The following MN1 variants were observed in gnomAD, a reference collection of about 807,000 sequenced individuals.
MN1 encodes MN1 proto-oncogene, transcriptional regulator.
Under a neutral mutation model 86.9 loss-of-function variants are expected in MN1, and 19 were observed. The ratio of observed to expected loss-of-function variants is 0.22; its 90% CI spans 0.15 to 0.32. The LOEUF (loss-of-function observed/expected upper bound fraction) is 0.32, where lower values mean the gene tolerates loss of function less well. MN1 is among the 10% of genes least tolerant of loss of function. The pLI is 1.00. For missense variants in MN1, 1,841 were observed against 1,862.0 expected (o/e 0.99, Z 0.21); for synonymous variants, 928 against 849.6 (o/e 1.09, Z -1.60).
chr22:27,781,547 G>A (rs1933054383), intron 1 of MN1, among the ~76,000 whole-genome samples: 1 of 152,276 alleles, frequency 6.6e-6, no homozygotes, highest in South Asian at 2.1e-4. Flanking sequence ...CAGGGACACT[G>A]AGGCCCAGAG....
rs775600902 is a variant in MN1, at chr22:27,797,281, C to A, written c.3263G>T (p.Gly1088Val). The change falls in exon 1 of 2, where the codon GGG (glycine) becomes GTG (valine). Residue 1088 changes from glycine (G) to valine (V), a missense_variant. Transcript: ENST00000302326. ...VTGSPKLPPR[G>V]VGAGEHGPKA... ...CGGTCCGTGTTCCCCGGCGCCTACC[C>A]CACGGGGAGGGAGTTTGGGCGAGCC... The A allele has an allele frequency of 8.1e-6, 13 of 1,595,198 alleles. No homozygotes were observed. The South Asian group carries it at 1.4e-4, about 18-fold the overall frequency.
rs71194737 is a variant in MN1 at position 27,794,817 on chromosome 22, G to GT, written c.3781+1945dup. On this transcript the variant is annotated intron_variant, in intron 1 of 1. Transcript: ENST00000302326. Reference sequence around the variant, plus strand: ...ATGGATTCTTTAAATCAGGGTTGTTGTTTTTTTTTTTTTTAACTTTTCTCA... The same window carrying GT: ...ATGGATTCTTTAAATCAGGGTTGTTGTTTTTTTTTTTTTTTAACTTTTCTCA... 1.9e-3 allele frequency among the ~76,000 whole-genome samples: 240 copies of GT among 128,976 alleles called. 1 individual carries two copies. Among genetic ancestry groups the GT allele is most frequent in the South Asian group, 3.7e-3 (14 of 3,780 alleles). The allele number at this position is 128,976 out of a possible 152,430, so 84.6% of individuals were successfully genotyped here.
At chr22:27,757,451 G>A (rs557931493) in intron 1 of MN1, among the ~76,000 whole-genome samples, 29 of 152,364 alleles carry the variant, frequency 1.9e-4, no homozygotes, top group East Asian at 3.9e-4. Context: ...GAGGCTGGGG[G>A]TCAGGGTGCA....
chr22:27,757,645 T>C (rs908411054), intron 1 of MN1, among the ~76,000 whole-genome samples: 25 of 152,070 alleles, frequency 1.6e-4, no homozygotes, highest in African/African-American at 4.8e-4. Context: ...CGGGGAGACA[T>C]TGGGTTCTGT....
chr22:27,797,755 T>C lies in MN1; in HGVS notation c.2789A>G (p.Asn930Ser). Residue 930 changes from asparagine (N) to serine (S), a missense_variant, in exon 1 of 2, where the codon AAT (asparagine) becomes AGT (serine). Physicochemically the swap from Asn to Ser is conservative, Grantham distance 46. Coordinates refer to ENST00000302326, the MANE Select transcript of MN1 (RefSeq NM_002430.3). Reference protein sequence around the residue: ...PNYTLESTSGNDGKPVSGGGG... With the variant: ...PNYTLESTSGSDGKPVSGGGG... ...GCCCCCGGAGACCGGCTTGCCGTCA[T>C]TCCCCGACGTGGATTCCAGGGTGTA... is the stretch of plus-strand genomic sequence containing the variant. 1.2e-6 allele frequency: 2 copies of C among 1,608,352 alleles called. No homozygotes were observed. The highest frequency in any genetic ancestry group is 8.5e-7 in the Non-Finnish European group (1 of 1,178,474).
At chr22:27,784,841 C>T (rs977997833) in intron 1 of MN1, among the ~76,000 whole-genome samples, 6 of 151,262 alleles carry the variant, frequency 4.0e-5, no homozygotes, top group African/African-American at 1.5e-4. Context: ...GGCCGGCATT[C>T]CTTTTTTTAA....
chr22:27,800,704 G>T lies in MN1; in HGVS notation c.-161C>A. 1 of 814,480 alleles carries T rather than the reference G, an allele frequency of 1.2e-6. No homozygotes were observed. The highest frequency in any genetic ancestry group is 2.5e-5 in the Admixed American group (1 of 39,586). The allele number at this position is 814,480 out of a possible 1,614,324, so 50.5% of individuals were successfully genotyped here. On this transcript the variant is annotated 5_prime_UTR_variant, in exon 1 of 2. Transcript: ENST00000302326. ...TCCACCCCGCCTGATGTGAGGGACGGGGGGCGGGGTATTAGCTCCTCTCCT... is the reference window on the plus strand; with the variant it reads ...TCCACCCCGCCTGATGTGAGGGACGTGGGGCGGGGTATTAGCTCCTCTCCT...
chr22:27,755,621 C>T (rs975938154), intron 1 of MN1, among the ~76,000 whole-genome samples: 2 of 152,186 alleles, frequency 1.3e-5, no homozygotes, highest in African/African-American at 4.8e-5. Flanking sequence ...GCTGATCTTC[C>T]GGCCTCTTCC....
Position 27,797,476 on chromosome 22 carries a change from T to C in MN1, c.3068A>G (p.Asp1023Gly), listed in dbSNP as rs770687348. ...CCCGCCGTCCAGGGACCCAATGAGGTCCGGCTGATCCCCCAGGAGCAACTC... is the reference window on the plus strand; with the variant it reads ...CCCGCCGTCCAGGGACCCAATGAGGCCCGGCTGATCCCCCAGGAGCAACTC... ...GAELLLGDQP[D>G]LIGSLDGGAK... is the part of the protein sequence containing the mutation. The change falls in exon 1 of 2, where the codon GAC becomes GGC. Residue 1023 changes from aspartate (D) to glycine (G), a missense_variant. Physicochemically the swap from Asp to Gly is moderately conservative, Grantham distance 94. Transcript: ENST00000302326. 6.3e-7 allele frequency: 1 copy of C among 1,597,718 alleles called. No homozygotes were observed. Among genetic ancestry groups the C allele is most frequent in the Non-Finnish European group, 8.5e-7 (1 of 1,172,042 alleles).
rs760082167 is a variant in MN1, at chr22:27,799,637, G to A, written c.907C>T (p.Pro303Ser). ...CCATGCTGCTGCTGCTGCTGCTGGGGCTGCTGCTGCTGCTGGGGCTGCTGC... is the reference window on the plus strand; with the variant it reads ...CCATGCTGCTGCTGCTGCTGCTGGGACTGCTGCTGCTGCTGGGGCTGCTGC... ...PQQQPQQQQQ[P>S]QQQQQQHGVF... Residue 303 changes from proline (P) to serine (S), a missense_variant, in exon 1 of 2, where the codon CCC becomes TCC. Pro to Ser is a moderately conservative substitution (Grantham distance 74). Transcript: ENST00000302326. 9.8e-6 allele frequency: 15 copies of A among 1,530,556 alleles called. No homozygotes were observed. In the South Asian group the frequency reaches 1.6e-4, roughly 16 times the overall value. The allele number at this position is 1,530,556 out of a possible 1,614,324, so 94.8% of individuals were successfully genotyped here. A position where few individuals can be genotyped will look rare whatever the true frequency, so the allele number is the denominator to read the frequency against.
In MN1 at chr22:27,799,973, G is replaced by A. The variant is rs946710323; in HGVS notation, c.571C>T (p.Leu191=). 2.5e-6 allele frequency: 4 copies of A among 1,603,180 alleles called. No homozygotes were observed. Among genetic ancestry groups the A allele is most frequent in the Admixed American group, 1.7e-5 (1 of 59,636 alleles). The change falls in exon 1 of 2, where the codon CTG becomes TTG. Residue 191 remains leucine (L), a synonymous_variant. Transcript: ENST00000302326. ...ASSHAVPAPC[L]PLDQSPNRAA... is the part of the protein sequence containing the mutation. ...CGGTTAGGGCTCTGGTCCAGCGGCA[G>A]GCATGGGGCCGGCACGGCGTGGCTG...
At chr22:27,785,799 T>C (rs981484169) in intron 1 of MN1, among the ~76,000 whole-genome samples, 2 of 142,246 alleles carry the variant, frequency 1.4e-5, no homozygotes, top group Non-Finnish European at 3.0e-5. Context: ...GACAAGCCTC[T>C]GGAAGATTTA....
chr22:27,760,171 C>T (rs1399102721), intron 1 of MN1, among the ~76,000 whole-genome samples: 1 of 152,112 alleles, frequency 6.6e-6, no homozygotes, highest in Non-Finnish European at 1.5e-5. Flanking sequence ...CCAACATGGT[C>T]CCATCTCTAC....
chr22:27,782,097 G>T (rs1367573996), intron 1 of MN1, among the ~76,000 whole-genome samples: 1 of 152,140 alleles, frequency 6.6e-6, no homozygotes, highest in Non-Finnish European at 1.5e-5. Flanking sequence ...CTATTCCTTG[G>T]GGGGCACAGG....
Position 27,800,236 on chromosome 22 carries a change from C to A in MN1, c.308G>T (p.Gly103Val), listed in dbSNP as rs773965619. The part of the protein sequence containing the change: ...GGQQPHHGHP[G>V]SHHPHQHHPH... ...GTGATGCTGGTGGGGATGATGACTT[C>A]CCGGGTGGCCGTGGTGAGGCTGCTG... The change falls in exon 1 of 2, where the codon GGA becomes GTA. Residue 103 changes from glycine (G) to valine (V), a missense_variant. Physicochemically the swap from Gly to Val is moderately radical, Grantham distance 109. Coordinates refer to ENST00000302326, the MANE Select transcript of MN1 (RefSeq NM_002430.3). 1.3e-6 allele frequency: 2 copies of A among 1,584,194 alleles called. No individual in the cohort carries two copies. The highest frequency in any genetic ancestry group is 2.2e-5 in the East Asian group (1 of 44,572).
At position 27,792,331 on chromosome 22, in the gene MN1, T is replaced by TATATAA. The variant is rs1315753694; in HGVS notation, c.3781+4431_3781+4432insTTATAT. On this transcript the variant is annotated intron_variant, in intron 1 of 1. Transcript: ENST00000302326. ...TATAAAAATTGCATATATATATATA[T>TATATAA]ATATATATATATATATATATGAATA... Among the ~76,000 whole-genome samples, 116 of 144,346 alleles carry TATATAA rather than the reference T, an allele frequency of 8.0e-4. 1 individual carries two copies. Among genetic ancestry groups the TATATAA allele is most frequent in the African/African-American group, 2.7e-3 (108 of 40,130 alleles). 94.7% of individuals were successfully genotyped at this position (144,346 alleles called of 152,430 possible).
chr22:27,775,086 A>T (rs978515245), intron 1 of MN1, among the ~76,000 whole-genome samples: 6 of 152,210 alleles, frequency 3.9e-5, no homozygotes, highest in Non-Finnish European at 8.8e-5. Context: ...GGGATACATC[A>T]GGCTTTGCCA....
intron 1 of MN1, among the ~76,000 whole-genome samples, chr22:27,774,703 T>A (rs1200435469): frequency 6.6e-6 from 1 of 152,198 alleles, no homozygotes; most frequent in Non-Finnish European, 1.5e-5. Flanking sequence ...ACGGGTTTCG[T>A]GCCCGCAGAA....
rs1933367323 is a variant in MN1, at chr22:27,798,893, G to A, written c.1651C>T (p.Arg551Cys). The A allele has an allele frequency of 1.3e-6, 2 of 1,539,136 alleles. No individual in the cohort carries two copies. The change falls in exon 1 of 2, where the codon CGC becomes TGC. Residue 551 changes from arginine (R) to cysteine (C), a missense_variant. By Grantham distance (180) the Arg-to-Cys change is radical. Transcript: ENST00000302326. ...QQQQQQQQQQ[R>C]QNAALMIKQM... ...TTAATCATGAGGGCCGCGTTTTGGC[G>A]CTGCTGCTGCTGCTGCTGTTGCTGT...
Sources: allele counts gnomAD v4.1 joint callset (sites outside exome capture counted in the v4.1 genomes callset), GRCh38; gene constraint gnomAD v4.1.1; transcripts MANE v1.5; gene names NCBI Gene and HGNC (gene_info 2026-07-23, HGNC 2026-07-21).